The following VGLL3 variants were observed in gnomAD, a reference collection of about 807,000 sequenced individuals.
VGLL3 encodes vestigial like family member 3, also known as transcription cofactor vestigial-like protein 3.
Under a neutral mutation model 29.2 loss-of-function variants are expected in VGLL3, and 18 were observed. The ratio of observed to expected loss-of-function variants is 0.62; its 90% CI spans 0.43 to 0.91. The LOEUF (loss-of-function observed/expected upper bound fraction) is 0.91, where lower values mean the gene tolerates loss of function less well. VGLL3 is among the 40% of genes least tolerant of loss of function. The pLI, the probability that VGLL3 is intolerant of heterozygous loss-of-function variation, is 0.00. For missense variants in VGLL3, 440 were observed against 413.2 expected (o/e 1.06, Z -0.56); for synonymous variants, 180 against 151.8 (o/e 1.19, Z -1.36).
chr3:86,963,564 T>C (rs1385028986), intron 3 of VGLL3, among the ~76,000 whole-genome samples: 2 of 152,222 alleles, frequency 1.3e-5, no homozygotes, highest in African/African-American at 4.8e-5. Flanking sequence ...ATTAAACTGG[T>C]GAAGCATATG....
At chr3:86,986,393 C>T (rs966004593) in intron 1 of VGLL3, among the ~76,000 whole-genome samples, 2 of 152,052 alleles carry the variant, frequency 1.3e-5, no homozygotes, top group East Asian at 1.9e-4. Flanking sequence ...TGGTTGACTG[C>T]CAGAGATAAG....
In VGLL3 at chr3:86,968,949, T is replaced by A. The variant is rs79345443; in HGVS notation, c.578A>T (p.His193Leu). The change falls in exon 3 of 4, where the codon CAT (histidine) becomes CTT (leucine). Residue 193 changes from histidine (H) to leucine (L), a missense_variant. Transcript: ENST00000398399. ...AGGGGGAGGGGCTGGGCCAGTCTGA[T>A]GCAGGTTGTGTCCCGGCCAAGGACT... ...DPSPWPGHNL[H>L]QTGPAPPPAV... 15,501 of 1,614,142 alleles carry A rather than the reference T, an allele frequency of 9.6e-3. 96 individuals carry two copies. The highest frequency in any genetic ancestry group is 0.012 in the Middle Eastern group (74 of 6,062).
At chr3:86,990,489 A>G (rs949179272) in intron 1 of VGLL3, 129 bp downstream of exon 1, 5 of 1,264,612 alleles carry the variant, frequency 4.0e-6, no homozygotes, top group Non-Finnish European at 5.0e-6. Context: ...TTTCTGCTCA[A>G]GGACGCTCCC....
Position 86,978,796 on chromosome 3 carries a change from A to T in VGLL3, c.133T>A (p.Leu45Ile), listed in dbSNP as rs1705266702. 6.2e-7 allele frequency: 1 copy of T among 1,602,756 alleles called. No homozygotes were observed. The highest frequency in any genetic ancestry group is 8.5e-7 in the Non-Finnish European group (1 of 1,173,948). ...PAPQPGQQKK[L>I]AVFSKMQDSL... The stretch of plus-strand genomic sequence containing the variant: ...TCCTGCATCTTGCTGAATACCGCTA[A>T]CTTCTTCTGGGATGGAATAAACAAA... The change falls in exon 2 of 4, where the codon TTA becomes ATA. Residue 45 changes from leucine (L) to isoleucine (I), a missense_variant. Leu to Ile is a conservative substitution (Grantham distance 5). Transcript: ENST00000398399.
At chr3:86,950,488 G>A (rs949225077) in intron 3 of VGLL3, among the ~76,000 whole-genome samples, 6 of 152,202 alleles carry the variant, frequency 3.9e-5, no homozygotes, top group East Asian at 1.9e-4. Flanking sequence ...CACAATATAC[G>A]TGTTCACATT....
rs1337700289 is a variant in VGLL3, at chr3:86,939,293, T to C, written c.*7731A>G. The C allele has an allele frequency of 6.6e-6, 1 of 152,192 alleles. No individual in the cohort carries two copies. The highest frequency in any genetic ancestry group is 1.5e-5 in the Non-Finnish European group (1 of 68,056). 9.4% of individuals were successfully genotyped at this position (152,192 alleles called of 1,614,324 possible). ...AGTCCTAATCCCCAGAACCATTGAA[T>C]ATGTTACTGTACATGGAAAAAGGGC... On this transcript the variant is annotated 3_prime_UTR_variant, in exon 4 of 4. Transcript: ENST00000398399.
chr3:86,954,181 T>A (rs1024748542), intron 3 of VGLL3, among the ~76,000 whole-genome samples: 4 of 152,232 alleles, frequency 2.6e-5, no homozygotes, highest in African/African-American at 9.6e-5. Flanking sequence ...TCAAAATGTC[T>A]TTAAGCTCAG....
Position 86,990,774 on chromosome 3 carries a change from G to T in VGLL3, c.-31C>A. 1 of 995,578 alleles carries T rather than the reference G, an allele frequency of 1.0e-6. No individual in the cohort carries two copies. Among genetic ancestry groups the T allele is most frequent in the East Asian group, 5.4e-5 (1 of 18,662 alleles). The allele number at this position is 995,578 out of a possible 1,614,324, so 61.7% of individuals were successfully genotyped here. A position where few individuals can be genotyped will look rare whatever the true frequency, so the allele number is the denominator to read the frequency against. On this transcript the variant is annotated 5_prime_UTR_variant, in exon 1 of 4. Transcript: ENST00000398399. ...CCGGGGCAGTGGCGGCCCCCGAGCT[G>T]CCGCCGCCGCTCTACGCGCTGGCGC...
At chr3:86,955,708 G>A (rs77868489) in intron 3 of VGLL3, among the ~76,000 whole-genome samples, 3,240 of 152,094 alleles carry the variant, frequency 0.021, 114 homozygotes, top group African/African-American at 0.067. Context: ...ACTTTTATGT[G>A]ACATGAACAG....
intron 1 of VGLL3, among the ~76,000 whole-genome samples, chr3:86,980,420 A>G (rs1184038434): frequency 6.6e-6 from 1 of 152,086 alleles, no homozygotes; most frequent in Admixed American, 6.6e-5. Context: ...CAGGATGGTT[A>G]TTTATAAATA....
intron 3 of VGLL3, among the ~76,000 whole-genome samples, chr3:86,955,366 C>T (rs1317643347): frequency 6.7e-6 from 1 of 148,918 alleles, no homozygotes; most frequent in Non-Finnish European, 1.5e-5. Context: ...AACTTTTCAT[C>T]TCTCTCTCTC....
Position 86,990,702 on chromosome 3 carries a change from T to A in VGLL3, c.42A>T (p.Gly14=), listed in dbSNP as rs772257054. The A allele has an allele frequency of 1.4e-6, 2 of 1,389,042 alleles. No homozygotes were observed. Among genetic ancestry groups the A allele is most frequent in the Admixed American group, 5.9e-5 (2 of 33,930 alleles). 86.0% of individuals were successfully genotyped at this position (1,389,042 alleles called of 1,614,324 possible). Residue 14 remains glycine (G), a synonymous_variant, in exon 1 of 4, where the codon GGA becomes GGT. Transcript: ENST00000398399. ...TGGGGTTGGGCAGATACTGGGACGC[T>A]CCATAAGGCTGGGGGTGATACATCA... ...AEVMYHPQPY[G]ASQYLPNPMA...
intron 3 of VGLL3, among the ~76,000 whole-genome samples, chr3:86,949,752 G>C (rs933352866): frequency 6.6e-6 from 1 of 150,766 alleles, no homozygotes; most frequent in Non-Finnish European, 1.5e-5. Context: ...GCGTGAACCC[G>C]GGAGGCAGAG....
Position 86,941,614 on chromosome 3 carries a change from G to C in VGLL3, c.*5410C>G, listed in dbSNP as rs560632275. ...TTATTGGATCAAATTAAATTGACTA[G>C]AACTTCAAGAGAATACTACTTTGAC... On this transcript the variant is annotated 3_prime_UTR_variant, in exon 4 of 4. Transcript: ENST00000398399. The C allele has an allele frequency of 6.6e-6, 1 of 151,850 alleles. No individual in the cohort carries two copies. The highest frequency in any genetic ancestry group is 2.1e-4 in the South Asian group (1 of 4,794). 9.4% of individuals were successfully genotyped at this position (151,850 alleles called of 1,614,324 possible). A position where few individuals can be genotyped will look rare whatever the true frequency, so the allele number is the denominator to read the frequency against.
intron 3 of VGLL3, among the ~76,000 whole-genome samples, chr3:86,956,612 C>A (rs1295294707): frequency 6.6e-6 from 1 of 151,920 alleles, no homozygotes; most frequent in African/African-American, 2.4e-5. Flanking sequence ...CGGTGAAACC[C>A]GGTCTTTACT....
chr3:86,950,255 A>G (rs572525674), intron 3 of VGLL3, among the ~76,000 whole-genome samples: 2 of 152,222 alleles, frequency 1.3e-5, no homozygotes, highest in African/African-American at 4.8e-5. Context: ...AGGAAAAAAA[A>G]TCATAAAAAT....
At chr3:86,990,415 C>A (rs1444634534) in intron 1 of VGLL3, 1 of 983,038 alleles carries the variant, frequency 1.0e-6, no homozygotes, top group East Asian at 1.1e-4. Context: ...AAGCCCCCAG[C>A]TAGGTCATGC....
chr3:86,975,792 G>T (rs1335440901), intron 2 of VGLL3, among the ~76,000 whole-genome samples: 1 of 152,068 alleles, frequency 6.6e-6, no homozygotes. Flanking sequence ...CCTGGTATAT[G>T]CTGATAAACT....
chr3:86,988,710 G>GAAAA (rs1705512185), intron 1 of VGLL3, among the ~76,000 whole-genome samples: 2 of 44,710 alleles, frequency 4.5e-5, no homozygotes, highest in Admixed American at 6.5e-4. Context: ...AGAAGAAAAA[G>GAAAA]AAGAAAAAGC....
Sources: allele counts gnomAD v4.1 joint callset (sites outside exome capture counted in the v4.1 genomes callset), GRCh38; gene constraint gnomAD v4.1.1; transcripts MANE v1.5; gene names NCBI Gene and HGNC (gene_info 2026-07-23, HGNC 2026-07-21).